KLK11: variants seen among roughly 807,000 people sequenced by gnomAD.
KLK11 encodes kallikrein-11.
In KLK11, 10 loss-of-function variants were observed where a neutral mutation model predicts 23.4. The ratio of observed to expected loss-of-function variants is 0.43; its 90% CI spans 0.26 to 0.73. The LOEUF is 0.73. KLK11 is among the 30% of genes least tolerant of loss of function. KLK11 has a pLI of 0.22. For synonymous variants in KLK11, 131 were observed against 131.7 expected (o/e 0.99, Z 0.03); for missense variants, 285 against 327.8 (o/e 0.87, Z 1.01).
At chr19:51,023,990 T>C in intron 4 of KLK11, 55 bp downstream of exon 4, 3 of 1,381,290 alleles carry the variant, frequency 2.2e-6, no homozygotes, top group Non-Finnish European at 2.9e-6. Context: ...CCTTCCACAA[T>C]CCTGACCACT....
chr19:51,024,391 T>A lies in KLK11; in HGVS notation c.198-81A>T. 2 of 1,565,040 alleles carry A rather than the reference T, an allele frequency of 1.3e-6. No individual in the cohort carries two copies. Among genetic ancestry groups the A allele is most frequent in the Non-Finnish European group, 1.7e-6 (2 of 1,155,778 alleles). ...GAGAGGTGAGTGACACCTTTGAGGATGAAGAAACATCGCTCTGCTTCCAAC... is the reference window on the plus strand; with the variant it reads ...GAGAGGTGAGTGACACCTTTGAGGAAGAAGAAACATCGCTCTGCTTCCAAC... On this transcript the variant is annotated intron_variant, in intron 3 of 5. Coordinates refer to ENST00000453757, the MANE Select transcript of KLK11 (RefSeq NM_001136032.3). The surrounding 1 kb of genome is among the most constrained non-coding windows in gnomAD (Gnocchi z 6.2).
chr19:51,026,119 G>A (rs1452161679), intron 1 of KLK11, among the ~76,000 whole-genome samples: 5 of 152,126 alleles, frequency 3.3e-5, no homozygotes, highest in Admixed American at 3.3e-4. Flanking sequence ...TCGCAGCAGA[G>A]CGATATGGAG....
chr19:51,025,758 G>T lies in KLK11; in HGVS notation c.-35-92C>A. On this transcript the variant is annotated intron_variant, in intron 1 of 5. Coordinates refer to ENST00000453757, the MANE Select transcript of KLK11 (RefSeq NM_001136032.3). The surrounding 1 kb of genome is among the most constrained non-coding windows in gnomAD (Gnocchi z 6.2). ...ATGCCCTCTCCTCTCTCCCTCACCT[G>T]CTCCCGCTCCCCACTTGGGAGAAAC... 2 of 538,548 alleles carry T rather than the reference G, an allele frequency of 3.7e-6. No individual in the cohort carries two copies. The highest frequency in any genetic ancestry group is 6.7e-6 in the Non-Finnish European group (2 of 298,770). The allele number at this position is 538,548 out of a possible 1,614,324, so 33.4% of individuals were successfully genotyped here.
At chr19:51,023,862 G>C (rs112388971) in intron 4 of KLK11, 183 bp downstream of exon 4, 27 of 511,396 alleles carry the variant, frequency 5.3e-5, no homozygotes, top group African/African-American at 4.6e-4. Flanking sequence ...TGCATATCCC[G>C]TCCGTCTGAC....
chr19:51,026,079 C>T (rs999771760), intron 1 of KLK11, among the ~76,000 whole-genome samples: 1 of 152,138 alleles, frequency 6.6e-6, no homozygotes, highest in Non-Finnish European at 1.5e-5. Flanking sequence ...AACCAGACAC[C>T]GTTCCGTAGC....
Position 51,025,600 on chromosome 19 carries a change from A to G in KLK11, c.32T>C (p.Leu11Pro), listed in dbSNP as rs755593429. The change falls in exon 2 of 6, where the codon CTG becomes CCG. Residue 11 changes from leucine to proline, a missense_variant. Coordinates refer to ENST00000453757, the MANE Select transcript of KLK11 (RefSeq NM_001136032.3). This position sits in a 1 kb window ranked among gnomAD's most constrained non-coding sequence, Gnocchi z 6.2. MRILQLILLA[L>P]ATGLVGGETR... ...CCCCATCCCCTGCGTACCTGTTGCCAGAGCAAGCAGGATTAACTGCAGAAT... is the reference window on the plus strand; with the variant it reads ...CCCCATCCCCTGCGTACCTGTTGCCGGAGCAAGCAGGATTAACTGCAGAAT... 6.3e-7 allele frequency: 1 copy of G among 1,583,234 alleles called. No individual in the cohort carries two copies. The highest frequency in any genetic ancestry group is 1.8e-5 in the Admixed American group (1 of 56,462).
chr19:51,025,330 C>T lies in KLK11; in HGVS notation c.40+262G>A, dbSNP rs1429253824. Among the ~76,000 whole-genome samples the T allele has an allele frequency of 6.6e-6, 1 of 152,108 alleles. No individual in the cohort carries two copies. The highest frequency in any genetic ancestry group is 1.5e-5 in the Non-Finnish European group (1 of 68,006). On this transcript the variant is annotated intron_variant, in intron 2 of 5. Coordinates refer to ENST00000453757, the MANE Select transcript of KLK11 (RefSeq NM_001136032.3). The surrounding 1 kb of genome is among the most constrained non-coding windows in gnomAD (Gnocchi z 6.2). Reference sequence around the variant, plus strand: ...TGGTCAGTAGCCCCTGTCCTGGGCGCTTTGAGTGACTGCTCCCCCAACTCC... The same window carrying T: ...TGGTCAGTAGCCCCTGTCCTGGGCGTTTTGAGTGACTGCTCCCCCAACTCC...
intron 5 of KLK11, 43 bp from the exon 6 acceptor site, chr19:51,022,740 G>A: frequency 6.2e-7 from 1 of 1,610,352 alleles, no homozygotes. Flanking sequence ...AAAGCGTTGA[G>A]CATGGTGTTA....
At chr19:51,027,093 C>T, upstream of KLK11, 1 of 223,872 alleles carries the variant, frequency 4.5e-6, no homozygotes. Context: ...GGCAATTTGT[C>T]TTGAAATCCC....
chr19:51,027,892 C>T (rs1202616140), upstream of KLK11: 1 of 187,672 alleles, frequency 5.3e-6, no homozygotes, highest in Non-Finnish European at 1.1e-5. Flanking sequence ...CCCTCACTCC[C>T]TCCCTCCTCC....
chr19:51,024,599 A>ACC lies in KLK11; in HGVS notation c.197+38_197+39insGG. 7.6e-7 allele frequency: 1 copy of ACC among 1,322,772 alleles called. No homozygotes were observed. The highest frequency in any genetic ancestry group is 1.0e-6 in the Non-Finnish European group (1 of 981,618). The allele number at this position is 1,322,772 out of a possible 1,614,324, so 81.9% of individuals were successfully genotyped here. ...TCTCTCCATCCATCTCCCCATTCCC[A>ACC]GCCCCCCACCCCGGCACCGCCCCAG... On this transcript the variant is annotated intron_variant, in intron 3 of 5. Transcript: ENST00000453757. This position sits in a 1 kb window ranked among gnomAD's most constrained non-coding sequence, Gnocchi z 6.2.
Position 51,023,062 on chromosome 19 carries a change from GA to G in KLK11, c.600+29del, listed in dbSNP as rs776720974. 3 of 1,579,690 alleles carry G rather than the reference GA, an allele frequency of 1.9e-6. No individual in the cohort carries two copies. In the East Asian group the frequency reaches 7.0e-5, roughly 37 times the overall value. On this transcript the variant is annotated intron_variant, in intron 5 of 5. Transcript: ENST00000453757. ...AGATGTCATTGAAGCTGGGGATGGGGATGGGGCTGTGGTTGGAGACCACACT... is the reference window on the plus strand; with the variant it reads ...AGATGTCATTGAAGCTGGGGATGGGGTGGGGCTGTGGTTGGAGACCACACT...
At position 51,025,768 on chromosome 19, in the gene KLK11, C is replaced by T; in HGVS notation, c.-35-102G>A. ...CTCTCTCCCTCACCTGCTCCCGCTC[C>T]CCACTTGGGAGAAACAAGGTTGGGG... is the stretch of plus-strand genomic sequence containing the variant. On this transcript the variant is annotated intron_variant, in intron 1 of 5. Coordinates refer to ENST00000453757, the MANE Select transcript of KLK11 (RefSeq NM_001136032.3). The surrounding 1 kb of genome is among the most constrained non-coding windows in gnomAD (Gnocchi z 6.2). 1.9e-6 allele frequency: 1 copy of T among 527,504 alleles called. No homozygotes were observed. The allele number at this position is 527,504 out of a possible 1,614,324, so 32.7% of individuals were successfully genotyped here.
At position 51,024,939 on chromosome 19, in the gene KLK11, TG is replaced by T; in HGVS notation, c.41-146del. On this transcript the variant is annotated intron_variant, in intron 2 of 5. Coordinates refer to ENST00000453757, the MANE Select transcript of KLK11 (RefSeq NM_001136032.3). This position sits in a 1 kb window ranked among gnomAD's most constrained non-coding sequence, Gnocchi z 6.2. ...TGTCCCTCTGGGTTGCCCTGGATGCTGGGGTCGGGTATTAAAGGATGAAAAT... is the reference window on the plus strand; with the variant it reads ...TGTCCCTCTGGGTTGCCCTGGATGCTGGGTCGGGTATTAAAGGATGAAAAT... The T allele has an allele frequency of 1.5e-6, 1 of 681,674 alleles. No homozygotes were observed. The highest frequency in any genetic ancestry group is 1.9e-5 in the African/African-American group (1 of 52,890). 42.2% of individuals were successfully genotyped at this position (681,674 alleles called of 1,614,324 possible). A position where few individuals can be genotyped will look rare whatever the true frequency, so the allele number is the denominator to read the frequency against.
rs998869650 is a variant in KLK11 at position 51,024,479 on chromosome 19, C to T, written c.197+159G>A. The stretch of plus-strand genomic sequence containing the variant: ...ATAGCCCCATCCCAACCCCATTCAT[C>T]CCCCCACCTTCAATACCAACTCGAG... On this transcript the variant is annotated intron_variant, in intron 3 of 5. Transcript: ENST00000453757. This position sits in a 1 kb window ranked among gnomAD's most constrained non-coding sequence, Gnocchi z 6.2. 2 of 1,191,294 alleles carry T rather than the reference C, an allele frequency of 1.7e-6. No individual in the cohort carries two copies. The highest frequency in any genetic ancestry group is 1.5e-5 in the South Asian group (1 of 64,552). The allele number at this position is 1,191,294 out of a possible 1,614,324, so 73.8% of individuals were successfully genotyped here. A position where few individuals can be genotyped will look rare whatever the true frequency, so the allele number is the denominator to read the frequency against.
Position 51,024,303 on chromosome 19 carries a change from T to C in KLK11, c.205A>G (p.Ile69Val), listed in dbSNP as rs1326823080. 1.2e-6 allele frequency: 2 copies of C among 1,613,590 alleles called. No homozygotes were observed. The highest frequency in any genetic ancestry group is 8.5e-7 in the Non-Finnish European group (1 of 1,179,804). The change falls in exon 4 of 6, where the codon ATA becomes GTA. Residue 69 changes from isoleucine (I) to valine (V), a missense_variant. Transcript: ENST00000453757. This position sits in a 1 kb window ranked among gnomAD's most constrained non-coding sequence, Gnocchi z 6.2. ...AGGTTGTGCTGCCCCAGGTGAACTA[T>C]GTAGCGGCTGAGGTGGGAGAGACAG... ...TAAHCLKPRY[I>V]VHLGQHNLQK... is the part of the protein sequence containing the mutation.
chr19:51,023,288 T>C, intron 4 of KLK11, 60 bp from the exon 5 acceptor site: 1 of 1,572,990 alleles, frequency 6.4e-7, no homozygotes, highest in African/African-American at 1.3e-5. Flanking sequence ...CCTAATGCAG[T>C]GCTTGCTGTG....
Position 51,022,652 on chromosome 19 carries a change from T to A in KLK11, c.646A>T (p.Ile216Phe). The A allele has an allele frequency of 6.2e-7, 1 of 1,613,520 alleles. No homozygotes were observed. The highest frequency in any genetic ancestry group is 1.1e-5 in the South Asian group (1 of 91,042). ...CACGGATCCTGGCCCCAGGAGATAA[T>A]GCCTTGAAGAGACTGGTTACAGACC... is the stretch of plus-strand genomic sequence containing the variant. ...PLVCNQSLQG[I>F]ISWGQDPCAI... Residue 216 changes from isoleucine to phenylalanine, a missense_variant, in exon 6 of 6, where the codon ATT becomes TTT. Physicochemically the swap from Ile to Phe is conservative, Grantham distance 21. Coordinates refer to ENST00000453757, the MANE Select transcript of KLK11 (RefSeq NM_001136032.3).
At position 51,024,630 on chromosome 19, in the gene KLK11, G is replaced by A. The variant is rs2091453771; in HGVS notation, c.197+8C>T. The A allele has an allele frequency of 6.2e-6, 4 of 640,832 alleles. No homozygotes were observed. Among genetic ancestry groups the A allele is most frequent in the Non-Finnish European group, 1.0e-5 (4 of 394,868 alleles). The allele number at this position is 640,832 out of a possible 1,614,324, so 39.7% of individuals were successfully genotyped here. A position where few individuals can be genotyped will look rare whatever the true frequency, so the allele number is the denominator to read the frequency against. ...CCACCCCGGCACCGCCCCAGCCCCC[G>A]CACCCACGGCTTGAGGCAGTGGGCT... On this transcript the variant is annotated splice_region_variant and intron_variant, in intron 3 of 5. Transcript: ENST00000453757. The surrounding 1 kb of genome is among the most constrained non-coding windows in gnomAD (Gnocchi z 6.2).
Sources: allele counts gnomAD v4.1 joint callset (sites outside exome capture counted in the v4.1 genomes callset), GRCh38; gene constraint gnomAD v4.1.1; non-coding constraint Gnocchi (gnomAD v3.1); transcripts MANE v1.5; gene names NCBI Gene and HGNC (gene_info 2026-07-23, HGNC 2026-07-21).